The following ZDHHC13 variants were observed in gnomAD, a reference collection of about 807,000 sequenced individuals.
ZDHHC13 encodes zDHHC palmitoyltransferase 13.
ZDHHC13 carries 85 observed loss-of-function variants against 86.0 expected under a neutral mutation model. The observed-to-expected ratio is 0.99, with a 90% CI of 0.83 to 1.18. ZDHHC13 has a LOEUF of 1.18. Ranked by LOEUF, ZDHHC13 falls within the 50% of genes most tolerant of loss-of-function variation. The probability of loss-of-function intolerance (pLI) is 0.00; values close to 1 mark genes in which losing one functional copy is unlikely to be tolerated. For missense variants in ZDHHC13, 711 were observed against 730.2 expected (o/e 0.97, Z 0.30); for synonymous variants, 263 against 246.4 (o/e 1.07, Z -0.63).
intron 14 of ZDHHC13, chr11:19,167,794 ATTTG>A (rs1199873532): frequency 1.3e-5 from 2 of 151,970 alleles, no homozygotes; most frequent in Non-Finnish European, 2.9e-5. Context: ...TTTTAATTTT[ATTTG>A]TTTGTTTTTT....
chr11:19,139,894 C>T (rs1795555891), intron 1 of ZDHHC13, among the ~76,000 whole-genome samples: 1 of 133,286 alleles, frequency 7.5e-6, no homozygotes. Context: ...CCCTTCCTTA[C>T]ACCTTATACA....
chr11:19,119,511 G>A (rs962150922), intron 1 of ZDHHC13, among the ~76,000 whole-genome samples: 5 of 152,108 alleles, frequency 3.3e-5, no homozygotes, highest in Non-Finnish European at 5.9e-5. Flanking sequence ...TGCCCACTTG[G>A]CTTATTCCCC....
chr11:19,149,127 C>G, intron 4 of ZDHHC13, 60 bp from the exon 5 acceptor site: 1 of 1,381,418 alleles, frequency 7.2e-7, no homozygotes, highest in East Asian at 2.6e-5. Context: ...ATATCAGTCT[C>G]TCCCTGACTT....
chr11:19,138,206 T>G (rs1255935915), intron 1 of ZDHHC13, among the ~76,000 whole-genome samples: 2 of 149,402 alleles, frequency 1.3e-5, no homozygotes, highest in Non-Finnish European at 3.0e-5. Flanking sequence ...ATCAAATAGA[T>G]GCAATAAAAA....
At chr11:19,169,670 C>T (rs1366036034) in intron 14 of ZDHHC13, 11 of 985,354 alleles carry the variant, frequency 1.1e-5, no homozygotes, top group Non-Finnish European at 1.3e-5. Flanking sequence ...CTTGAAGATC[C>T]GTTCCCTTGT....
Position 19,175,897 on chromosome 11 carries a change from T to C in ZDHHC13, c.1806T>C (p.Asp602=), listed in dbSNP as rs761983220. 2.5e-6 allele frequency: 4 copies of C among 1,613,728 alleles called. No homozygotes were observed. The highest frequency in any genetic ancestry group is 1.1e-5 in the South Asian group (1 of 91,028). The change falls in exon 17 of 17, where the codon GAT becomes GAC. Residue 602 remains aspartate (D), a synonymous_variant. Coordinates refer to ENST00000446113, the MANE Select transcript of ZDHHC13 (RefSeq NM_019028.3). The stretch of plus-strand genomic sequence containing the variant: ...GCTTGGTGAAGCCCTGTGTGGTAGA[T>C]TGGACATCACAGTACACCATGGTCT... ...CFGLVKPCVV[D]WTSQYTMVFH...
chr11:19,118,617 T>C (rs755760488), intron 1 of ZDHHC13: 11 of 152,262 alleles, frequency 7.2e-5, no homozygotes, highest in Non-Finnish European at 1.6e-4. Flanking sequence ...TTGTCCCAGT[T>C]CCATGGCCTA....
intron 1 of ZDHHC13, among the ~76,000 whole-genome samples, chr11:19,123,983 GA>G (rs1848813516): frequency 6.6e-6 from 1 of 152,148 alleles, no homozygotes; most frequent in Non-Finnish European, 1.5e-5. Context: ...TATTTGGTCA[GA>G]ATCTATTTAT....
intron 1 of ZDHHC13, among the ~76,000 whole-genome samples, chr11:19,122,700 T>C (rs2133357153): frequency 6.6e-6 from 1 of 152,240 alleles, no homozygotes; most frequent in South Asian, 2.1e-4. Flanking sequence ...CCAGCAGAGG[T>C]GTGCTAAAAA....
At chr11:19,175,379 G>T (rs1171586452) in intron 16 of ZDHHC13, among the ~76,000 whole-genome samples, 1 of 38,726 alleles carries the variant, frequency 2.6e-5, no homozygotes, top group Non-Finnish European at 6.7e-5. Context: ...GACAGAGCGA[G>T]ACTCCGTCTC....
intron 1 of ZDHHC13, among the ~76,000 whole-genome samples, chr11:19,140,643 A>G (rs1012451339): frequency 2.6e-5 from 4 of 152,140 alleles, no homozygotes; most frequent in African/African-American, 9.7e-5. Flanking sequence ...ATTATTCACA[A>G]TAGTGAAGAC....
chr11:19,134,327 C>T (rs1390532522), intron 1 of ZDHHC13, among the ~76,000 whole-genome samples: 1 of 151,908 alleles, frequency 6.6e-6, no homozygotes, highest in Non-Finnish European at 1.5e-5. Context: ...AAGACTCTGT[C>T]TCTACAAAAC....
In ZDHHC13 at chr11:19,170,541, A is replaced by G. The variant is rs1334616527; in HGVS notation, c.1605A>G (p.Thr535=). 1.3e-6 allele frequency: 2 copies of G among 1,526,046 alleles called. No homozygotes were observed. The highest frequency in any genetic ancestry group is 8.8e-7 in the Non-Finnish European group (1 of 1,140,982). The allele number at this position is 1,526,046 out of a possible 1,614,324, so 94.5% of individuals were successfully genotyped here. ...MLATFHFSWS[T]FLLLNQLFQI... Reference sequence around the variant, plus strand: ...CAACTTTCCATTTCTCATGGTCAACATTTTTATTATTAAATCAACTCTTTC... The same window carrying G: ...CAACTTTCCATTTCTCATGGTCAACGTTTTTATTATTAAATCAACTCTTTC... Residue 535 remains threonine, a synonymous_variant, in exon 15 of 17, where the codon ACA becomes ACG. Coordinates refer to ENST00000446113, the MANE Select transcript of ZDHHC13 (RefSeq NM_019028.3).
At chr11:19,152,114 T>C in intron 6 of ZDHHC13, 44 bp from the exon 7 acceptor site, 1 of 1,588,058 alleles carries the variant, frequency 6.3e-7, no homozygotes, top group Non-Finnish European at 8.6e-7. Flanking sequence ...CCTTAAGTCA[T>C]CATCTCTGTT....
At chr11:19,133,151 A>G (rs1195489165) in intron 1 of ZDHHC13, among the ~76,000 whole-genome samples, 1 of 152,190 alleles carries the variant, frequency 6.6e-6, no homozygotes, top group Non-Finnish European at 1.5e-5. Flanking sequence ...TATTATCACT[A>G]CAAGATATGT....
intron 5 of ZDHHC13, among the ~76,000 whole-genome samples, chr11:19,149,643 T>C (rs1849558829): frequency 6.6e-6 from 1 of 152,224 alleles, no homozygotes; most frequent in African/African-American, 2.4e-5. Flanking sequence ...ATTTTTCTTC[T>C]AGTTGAATAT....
At chr11:19,145,761 G>A (rs142940776) in intron 2 of ZDHHC13, among the ~76,000 whole-genome samples, 201 of 152,106 alleles carry the variant, frequency 1.3e-3, no homozygotes, top group Admixed American at 3.4e-3. Context: ...TCCATATTTC[G>A]TTGTGGAATT....
At chr11:19,174,108 G>A (rs1346043025) in intron 16 of ZDHHC13, among the ~76,000 whole-genome samples, 3 of 152,102 alleles carry the variant, frequency 2.0e-5, no homozygotes, top group Non-Finnish European at 4.4e-5. Flanking sequence ...TACTGAACTC[G>A]GTATATACCA....
At chr11:19,161,163 G>A (rs193162170) in intron 10 of ZDHHC13, among the ~76,000 whole-genome samples, 66 of 152,082 alleles carry the variant, frequency 4.3e-4, no homozygotes, top group Non-Finnish European at 5.7e-4. Context: ...TCAGGCTGCC[G>A]TCTGGATTGA....
Sources: allele counts gnomAD v4.1 joint callset (sites outside exome capture counted in the v4.1 genomes callset), GRCh38; gene constraint gnomAD v4.1.1; transcripts MANE v1.5; gene names NCBI Gene and HGNC (gene_info 2026-07-23, HGNC 2026-07-21).